PFKP: variants seen among roughly 807,000 people sequenced by gnomAD.
The protein encoded by PFKP is ATP-dependent 6-phosphofructokinase, platelet type.
In PFKP, 101 loss-of-function variants were observed where a neutral mutation model predicts 94.3. The observed-to-expected ratio is 1.07, with a 90% CI of 0.91 to 1.26. The LOEUF is 1.26. Among genes scored for constraint, PFKP ranks in the 50% most tolerant of loss-of-function variants. The pLI, the probability that PFKP is intolerant of heterozygous loss-of-function variation, is 0.00. For missense variants in PFKP, 1,145 were observed against 1,103.3 expected (o/e 1.04, Z -0.53); for synonymous variants, 573 against 432.6 (o/e 1.32, Z -4.03).
intron 2 of PFKP, among the ~76,000 whole-genome samples, 174 bp from the exon 3 acceptor site, chr10:3,099,101 A>T (rs975962158): frequency 6.6e-6 from 1 of 152,160 alleles, no homozygotes. Flanking sequence ...CAAGGTGAGG[A>T]CTTTCCCACA....
chr10:3,101,280 C>A, intron 3 of PFKP, 85 bp from the exon 4 acceptor site: 1 of 1,097,498 alleles, frequency 9.1e-7, no homozygotes, highest in Non-Finnish European at 1.3e-6. Context: ...TTCTAGCACC[C>A]CATGTTTATA....
intron 15 of PFKP, 40 bp from the exon 16 acceptor site, chr10:3,119,852 G>A: frequency 6.2e-7 from 1 of 1,608,484 alleles, no homozygotes; most frequent in East Asian, 2.2e-5. Flanking sequence ...CTCCTCCCCA[G>A]CTTCCCTCTC....
intron 1 of PFKP, among the ~76,000 whole-genome samples, chr10:3,074,911 C>T (rs936499800): frequency 2.0e-5 from 3 of 152,152 alleles, no homozygotes; most frequent in Admixed American, 6.5e-5. Flanking sequence ...AGTGGGAAAT[C>T]CGTGGTCTCA....
Position 3,109,491 on chromosome 10 carries a change from AGCCCAT to A in PFKP, c.1089+13_1089+18del. 6.2e-7 allele frequency: 1 copy of A among 1,602,014 alleles called. No individual in the cohort carries two copies. ...GAGTGCGTGCAGATGGTGAGTGGGCAGCCCATGGCCAAGGGCAGGGCGGAGACGGCT... is the reference window on the plus strand; with the variant it reads ...GAGTGCGTGCAGATGGTGAGTGGGCAGGCCAAGGGCAGGGCGGAGACGGCT... On this transcript the variant is annotated intron_variant, in intron 10 of 21. Transcript: ENST00000381125.
chr10:3,107,568 C>T (rs561234112), intron 8 of PFKP, among the ~76,000 whole-genome samples: 1 of 152,340 alleles, frequency 6.6e-6, no homozygotes, highest in African/African-American at 2.4e-5. Context: ...GGGGTCAGCT[C>T]GAGTGGCCAC....
At chr10:3,095,672 T>C (rs1486688785) in intron 2 of PFKP, among the ~76,000 whole-genome samples, 1 of 152,252 alleles carries the variant, frequency 6.6e-6, no homozygotes, top group Non-Finnish European at 1.5e-5. Context: ...GCTTTGGCTG[T>C]AGTAAGATAA....
intron 2 of PFKP, among the ~76,000 whole-genome samples, chr10:3,087,942 T>G (rs1833727485): frequency 6.6e-6 from 1 of 151,258 alleles, no homozygotes; most frequent in African/African-American, 2.4e-5. Flanking sequence ...TATGGTATCA[T>G]CATTTTGCTG....
chr10:3,129,204 C>T (rs1458670283), intron 16 of PFKP: 1 of 152,220 alleles, frequency 6.6e-6, no homozygotes, highest in Admixed American at 6.5e-5. Context: ...GGATGGCAGA[C>T]ATTTCACTCT....
chr10:3,128,108 C>T (rs1019519263), intron 16 of PFKP, among the ~76,000 whole-genome samples: 4 of 152,054 alleles, frequency 2.6e-5, no homozygotes, highest in African/African-American at 9.7e-5. Context: ...GACGGACGGA[C>T]GGCTGGCTGG....
chr10:3,078,316 C>T (rs1460617555), intron 1 of PFKP, among the ~76,000 whole-genome samples: 1 of 152,212 alleles, frequency 6.6e-6, no homozygotes, highest in Non-Finnish European at 1.5e-5. Flanking sequence ...GACAGCCCGC[C>T]AGTAAATGCT....
chr10:3,132,902 C>CT (rs1278621950), intron 18 of PFKP, among the ~76,000 whole-genome samples: 6 of 123,054 alleles, frequency 4.9e-5, no homozygotes, highest in African/African-American at 1.9e-4. Flanking sequence ...GATTGACGTT[C>CT]TGGGTGGGAC....
chr10:3,117,614 C>T (rs905370649), intron 14 of PFKP, among the ~76,000 whole-genome samples: 61 of 152,146 alleles, frequency 4.0e-4, no homozygotes, highest in African/African-American at 1.4e-3. Context: ...GTGGGAGCCT[C>T]GGAGCTGGGT....
At chr10:3,068,735 C>A in intron 1 of PFKP, 1 of 981,648 alleles carries the variant, frequency 1.0e-6, no homozygotes, top group Non-Finnish European at 1.2e-6. Context: ...CCGTGCAATC[C>A]CTGGCGGGTA....
Position 3,109,352 on chromosome 10 carries a change from C to T in PFKP, c.964-3C>T. 1.2e-6 allele frequency: 2 copies of T among 1,609,160 alleles called. No homozygotes were observed. The highest frequency in any genetic ancestry group is 2.2e-5 in the East Asian group (1 of 44,878). ...CCCTGACCCACATGGACCTGGTTTC[C>T]AGGCCAGCCGCATGGGAGTGGAGGC... On this transcript the variant is annotated splice_polypyrimidine_tract_variant and splice_region_variant and intron_variant, in intron 9 of 21. Transcript: ENST00000381125.
At position 3,105,508 on chromosome 10, in the gene PFKP, C is replaced by T. The variant is rs754323975; in HGVS notation, c.774+7C>T. 1.1e-5 allele frequency: 18 copies of T among 1,583,138 alleles called. No homozygotes were observed. In the East Asian group the frequency reaches 1.6e-4, roughly 14 times the overall value. ...GTGTGTCAAACTCTCGGAGGTAATG[C>T]GGGTCCCGTGGCCGTTGATAGCGGG... On this transcript the variant is annotated splice_region_variant and intron_variant, in intron 7 of 21. Coordinates refer to ENST00000381125, the MANE Select transcript of PFKP (RefSeq NM_002627.5).
At chr10:3,129,747 T>G in intron 16 of PFKP, 72 bp from the exon 17 acceptor site, 2 of 1,531,986 alleles carry the variant, frequency 1.3e-6, no homozygotes, top group Non-Finnish European at 1.8e-6. Flanking sequence ...GCACTCACTC[T>G]TGGGGGAGCT....
chr10:3,069,289 G>GA, intron 1 of PFKP: 10 of 1,512,524 alleles, frequency 6.6e-6, no homozygotes, highest in Non-Finnish European at 7.1e-6. Flanking sequence ...GGTTCTCAGA[G>GA]AAAGAAAACG....
intron 2 of PFKP, among the ~76,000 whole-genome samples, chr10:3,095,970 C>G (rs542566432): frequency 2.0e-5 from 3 of 152,248 alleles, no homozygotes; most frequent in African/African-American, 7.2e-5. Context: ...TAATGGCTTT[C>G]TTTGCCACAT....
At position 3,122,390 on chromosome 10, in the gene PFKP, C is replaced by T. The variant is rs959790098; in HGVS notation, c.1683+2346C>T. ...GAGAAGAGAAAGCCGCTGAGGGTCC[C>T]TCTGTGGACCCTGAAGGGAGAGGGA... On this transcript the variant is annotated intron_variant, in intron 16 of 21. Transcript: ENST00000381125. Among the ~76,000 whole-genome samples, 6 of 150,166 alleles carry T rather than the reference C, an allele frequency of 4.0e-5. No homozygotes were observed. In the Admixed American group the frequency reaches 4.0e-4, roughly 10 times the overall value.
Sources: gnomAD v4.1 joint callset for allele counts (sites outside exome capture counted in the v4.1 genomes callset) on GRCh38, gnomAD v4.1.1 for gene constraint, MANE v1.5 for transcripts, NCBI Gene and HGNC (gene_info 2026-07-23, HGNC 2026-07-21) for gene names.